Variants in NIBAN2 observed in about 807,000 individuals in gnomAD.
NIBAN2 encodes the protein protein Niban 2.
In NIBAN2, 36 loss-of-function variants were observed where a neutral mutation model predicts 81.8. The observed-to-expected ratio is 0.44, with a 90% CI of 0.34 to 0.58. NIBAN2 has a LOEUF of 0.58. Ranked by LOEUF, NIBAN2 falls within the 20% of genes least tolerant of loss-of-function variation. The pLI, the probability that NIBAN2 is intolerant of heterozygous loss-of-function variation, is 0.02. For missense variants in NIBAN2, 897 were observed against 1,014.1 expected (o/e 0.88, Z 1.57); for synonymous variants, 445 against 441.6 (o/e 1.01, Z -0.10).
rs117002236 is a variant in NIBAN2 at position 127,526,592 on chromosome 9, C to T, written c.315+602G>A. Among the ~76,000 whole-genome samples, 545 of 152,138 alleles carry T rather than the reference C, an allele frequency of 3.6e-3. 6 individuals are homozygous for T. The East Asian group carries it at 0.04, about 11-fold the overall frequency. ...TTATGTTGCTCTAACATTGATCTTC[C>T]GTGAAATACAGGGCCCAGGCCTGTC... On this transcript the variant is annotated intron_variant, in intron 3 of 13. Coordinates refer to ENST00000373312, the MANE Select transcript of NIBAN2 (RefSeq NM_022833.4).
At chr9:127,578,916 T>A in intron 1 of NIBAN2, 1 of 1,611,168 alleles carries the variant, frequency 6.2e-7, no homozygotes, top group Non-Finnish European at 8.5e-7. Flanking sequence ...TGTGCACAAG[T>A]CTTACCTCCC....
At chr9:127,558,714 C>CA (rs1001874596) in intron 1 of NIBAN2, among the ~76,000 whole-genome samples, 13 of 152,022 alleles carry the variant, frequency 8.6e-5, no homozygotes, top group East Asian at 1.9e-4. Context: ...ATACTGCTCT[C>CA]AAAAAAAGCA....
chr9:127,535,729 C>A (rs946262684), intron 1 of NIBAN2, among the ~76,000 whole-genome samples: 1 of 152,022 alleles, frequency 6.6e-6, no homozygotes. Context: ...ATTCAGGAGC[C>A]AAATGGGTCA....
chr9:127,537,563 TG>T (rs1837301766), intron 1 of NIBAN2, among the ~76,000 whole-genome samples: 1 of 152,172 alleles, frequency 6.6e-6, no homozygotes, highest in Non-Finnish European at 1.5e-5. Context: ...CTGCGTTTGA[TG>T]GGGGGTCCTG....
At chr9:127,534,010 C>T (rs1837229257) in intron 1 of NIBAN2, among the ~76,000 whole-genome samples, 1 of 152,186 alleles carries the variant, frequency 6.6e-6, no homozygotes, top group South Asian at 2.1e-4. Context: ...TCCTGGGTGC[C>T]CCCATGTTCA....
chr9:127,545,797 G>A lies in NIBAN2; in HGVS notation c.56-14019C>T, dbSNP rs572532882. Among the ~76,000 whole-genome samples, 11 of 152,224 alleles carry A rather than the reference G, an allele frequency of 7.2e-5. No individual in the cohort carries two copies. In the South Asian group the frequency reaches 1.5e-3, roughly 20 times the overall value. On this transcript the variant is annotated intron_variant, in intron 1 of 13. Transcript: ENST00000373312. The surrounding 1 kb of genome is among the most constrained non-coding windows in gnomAD (Gnocchi z 4.7). ...GGGGCTGCCCTTTCCTTTACACCTC[G>A]AGGCCGCCTGGTGGGAGGAAGTCCA...
rs200697340 is a variant in NIBAN2, at chr9:127,508,392, C to T, written c.1434+30G>A. On this transcript the variant is annotated intron_variant, in intron 11 of 13. Transcript: ENST00000373312. This position sits in a 1 kb window ranked among gnomAD's most constrained non-coding sequence, Gnocchi z 6.4. ...GCTCGGGGCTCGGCCTCGCCTAGGA[C>T]GGTCCGGGGCAGGGCGTGGGGCCGC... 529 of 1,560,614 alleles carry T rather than the reference C, an allele frequency of 3.4e-4. 2 individuals carry two copies. In the Middle Eastern group the frequency reaches 5.7e-3, roughly 17 times the overall value.
At chr9:127,519,834 C>T (rs926398980) in intron 5 of NIBAN2, among the ~76,000 whole-genome samples, 5 of 152,230 alleles carry the variant, frequency 3.3e-5, no homozygotes, top group African/African-American at 4.8e-5. Flanking sequence ...CCCGCCACCC[C>T]ACCCGCCTCT....
chr9:127,545,736 C>T lies in NIBAN2; in HGVS notation c.56-13958G>A, dbSNP rs1015165652. 7.2e-5 allele frequency among the ~76,000 whole-genome samples: 11 copies of T among 152,190 alleles called. No individual in the cohort carries two copies. Among genetic ancestry groups the T allele is most frequent in the African/African-American group, 2.7e-4 (11 of 41,452 alleles). On this transcript the variant is annotated intron_variant, in intron 1 of 13. Transcript: ENST00000373312. The surrounding 1 kb of genome is among the most constrained non-coding windows in gnomAD (Gnocchi z 4.7). ...GCTGAGGCGGGAGCCCAGAGAAATG[C>T]ACCCAAAAAAACGGGTGACCCAAAA... is the stretch of plus-strand genomic sequence containing the variant.
chr9:127,539,711 G>A (rs1240907761), intron 1 of NIBAN2, among the ~76,000 whole-genome samples: 3 of 152,170 alleles, frequency 2.0e-5, no homozygotes, highest in African/African-American at 7.2e-5. Context: ...AGCCCCTCCT[G>A]TGAGCTGCTG....
chr9:127,554,999 C>A (rs996351279), intron 1 of NIBAN2, among the ~76,000 whole-genome samples: 1 of 152,178 alleles, frequency 6.6e-6, no homozygotes, highest in African/African-American at 2.4e-5. Flanking sequence ...CATTATCCCA[C>A]CACTCCAAAA....
intron 1 of NIBAN2, among the ~76,000 whole-genome samples, chr9:127,552,416 T>C (rs1837592778): frequency 6.6e-6 from 1 of 151,790 alleles, no homozygotes; most frequent in African/African-American, 2.4e-5. Flanking sequence ...CTACGAAAAT[T>C]TTTTTAAAAA....
chr9:127,549,505 C>T (rs1357741734), intron 1 of NIBAN2, among the ~76,000 whole-genome samples: 2 of 152,234 alleles, frequency 1.3e-5, no homozygotes, highest in Admixed American at 6.5e-5. Flanking sequence ...CGTGCATCCA[C>T]TCACACACAT....
intron 5 of NIBAN2, among the ~76,000 whole-genome samples, chr9:127,522,968 T>C (rs890167334): frequency 6.6e-6 from 1 of 151,200 alleles, no homozygotes; most frequent in Non-Finnish European, 1.5e-5. Flanking sequence ...AGACTGCCAA[T>C]TGTAGGAGGG....
At chr9:127,529,701 G>A (rs190134518) in intron 2 of NIBAN2, among the ~76,000 whole-genome samples, 191 of 148,764 alleles carry the variant, frequency 1.3e-3, no homozygotes, top group African/African-American at 4.5e-3. Flanking sequence ...GTATTATTAC[G>A]TTATCATTAT....
rs766307065 is a variant in NIBAN2, at chr9:127,508,940, C to T, written c.1317+36G>A. 2 of 1,612,140 alleles carry T rather than the reference C, an allele frequency of 1.2e-6. No individual in the cohort carries two copies. Among genetic ancestry groups the T allele is most frequent in the Non-Finnish European group, 1.7e-6 (2 of 1,179,382 alleles). Reference sequence around the variant, plus strand: ...GAGGGGGCCTGTGGAAGGCAGTGGACAGGGTGTGGGGTGGGGGTCGTAGCC... The same window carrying T: ...GAGGGGGCCTGTGGAAGGCAGTGGATAGGGTGTGGGGTGGGGGTCGTAGCC... On this transcript the variant is annotated intron_variant, in intron 10 of 13. Transcript: ENST00000373312. The surrounding 1 kb of genome is among the most constrained non-coding windows in gnomAD (Gnocchi z 6.4).
intron 1 of NIBAN2, among the ~76,000 whole-genome samples, chr9:127,558,351 A>T (rs1010619938): frequency 6.6e-6 from 1 of 152,114 alleles, no homozygotes; most frequent in Non-Finnish European, 1.5e-5. Context: ...TGGGAGTACG[A>T]AGTCGGAGAG....
intron 4 of NIBAN2, among the ~76,000 whole-genome samples, chr9:127,524,419 T>C (rs1019176457): frequency 2.0e-5 from 3 of 152,192 alleles, no homozygotes; most frequent in Non-Finnish European, 4.4e-5. Context: ...TGGCTCTGGG[T>C]TGGCCTGTGC....
At chr9:127,550,673 CCCAGCCCCCAAGGT>C (rs1418778602) in intron 1 of NIBAN2, among the ~76,000 whole-genome samples, 5 of 152,216 alleles carry the variant, frequency 3.3e-5, no homozygotes, top group Non-Finnish European at 7.3e-5. Context: ...ACAGACACTT[CCCAGCCCCCAAGGT>C]CCATATAAAC....
Sources: gnomAD v4.1 joint callset for allele counts (sites outside exome capture counted in the v4.1 genomes callset) on GRCh38, gnomAD v4.1.1 for gene constraint, Gnocchi (gnomAD v3.1) non-coding constraint, MANE v1.5 for transcripts, NCBI Gene and HGNC (gene_info 2026-07-23, HGNC 2026-07-21) for gene names.